MINPP1: variants seen among roughly 807,000 people sequenced by gnomAD.
MINPP1 encodes the protein multiple inositol polyphosphate phosphatase 1.
Under a neutral mutation model 46.1 loss-of-function variants are expected in MINPP1, and 28 were observed. The observed-to-expected ratio is 0.61, with a 90% CI of 0.45 to 0.83. MINPP1 has a LOEUF of 0.83. Among genes scored for constraint, MINPP1 ranks in the 40% least tolerant of loss-of-function variants. MINPP1 has a pLI of 0.00. For missense variants in MINPP1, 603 were observed against 610.0 expected, an observed-to-expected ratio of 0.99 and a Z score of 0.12; for synonymous variants, 268 against 249.1, an observed-to-expected ratio of 1.08 and a Z score of -0.72.
At chr10:87,519,339 T>C (rs1851461014) in intron 3 of MINPP1, among the ~76,000 whole-genome samples, 1 of 152,200 alleles carries the variant, frequency 6.6e-6, no homozygotes. Flanking sequence ...CTTTCAATCC[T>C]GTCAGGTTCC....
At chr10:87,548,828 T>C (rs1042223372) in intron 4 of MINPP1, among the ~76,000 whole-genome samples, 1 of 152,162 alleles carries the variant, frequency 6.6e-6, no homozygotes, top group Admixed American at 6.5e-5. Flanking sequence ...ATTGGGGGTT[T>C]TTGGTGTGTT....
chr10:87,513,945 C>T (rs1383267778), intron 3 of MINPP1, among the ~76,000 whole-genome samples: 1 of 152,124 alleles, frequency 6.6e-6, no homozygotes, highest in Non-Finnish European at 1.5e-5. Flanking sequence ...TTTCTGATCT[C>T]CAGAGGCTGC....
At chr10:87,512,915 T>C (rs1851356252) in intron 2 of MINPP1, among the ~76,000 whole-genome samples, 1 of 152,202 alleles carries the variant, frequency 6.6e-6, no homozygotes, top group Admixed American at 6.5e-5. Flanking sequence ...TCATGGTTTC[T>C]TCCTGATAGT....
intron 4 of MINPP1, among the ~76,000 whole-genome samples, chr10:87,544,711 T>C (rs1242899724): frequency 6.6e-6 from 1 of 152,178 alleles, no homozygotes; most frequent in Non-Finnish European, 1.5e-5. Flanking sequence ...TCTCCTTTCT[T>C]ACGGAGCCTA....
chr10:87,538,778 A>G (rs1319989382), intron 4 of MINPP1, among the ~76,000 whole-genome samples: 2 of 152,238 alleles, frequency 1.3e-5, no homozygotes, highest in Non-Finnish European at 2.9e-5. Flanking sequence ...GTAAAGCTGT[A>G]TTTGATATTC....
Position 87,550,110 on chromosome 10 carries a change from C to T in MINPP1, c.1068-1972C>T, listed in dbSNP as rs185832162. 1.7e-3 allele frequency among the ~76,000 whole-genome samples: 265 copies of T among 152,182 alleles called. 5 individuals carry two copies. In the South Asian group the frequency reaches 0.039, roughly 22 times the overall value. ...TCCTGTTTAGCTGATTATGGTCTTA[C>T]GGGTATATATGGACTTGTGTTGCCA... On this transcript the variant is annotated intron_variant, in intron 4 of 4. Transcript: ENST00000371996.
intron 4 of MINPP1, among the ~76,000 whole-genome samples, chr10:87,540,461 CCTCT>C (rs986914506): frequency 2.1e-5 from 3 of 143,900 alleles, no homozygotes; most frequent in African/African-American, 7.6e-5. Context: ...CAGTCTCTCT[CCTCT>C]CTCTGTCTCT....
At chr10:87,523,356 GT>G (rs34767942) in intron 4 of MINPP1, among the ~76,000 whole-genome samples, 37,344 of 144,562 alleles carry the variant, frequency 0.26, 5,524 homozygotes, top group African/African-American at 0.42. Context: ...TGAAATTTCT[GT>G]TTTTTTTTTT....
intron 4 of MINPP1, among the ~76,000 whole-genome samples, chr10:87,548,492 G>T (rs117485945): frequency 2.0e-3 from 307 of 152,258 alleles, no homozygotes; most frequent in Non-Finnish European, 3.8e-3. Context: ...GCTTTTGTAT[G>T]AATATGAGCA....
chr10:87,521,221 C>G, intron 4 of MINPP1, 52 bp downstream of exon 4: 1 of 1,496,340 alleles, frequency 6.7e-7, no homozygotes. Flanking sequence ...TACTAAACTT[C>G]TGGAAATTTT....
chr10:87,528,471 G>A (rs1429749209), intron 4 of MINPP1, among the ~76,000 whole-genome samples: 2 of 152,212 alleles, frequency 1.3e-5, no homozygotes, highest in Non-Finnish European at 2.9e-5. Context: ...TATGTACCCA[G>A]TAGTCATTCA....
chr10:87,549,677 G>A (rs1851935676), intron 4 of MINPP1, among the ~76,000 whole-genome samples: 1 of 152,196 alleles, frequency 6.6e-6, no homozygotes, highest in African/African-American at 2.4e-5. Flanking sequence ...GGGGGAAAGA[G>A]GAGAGAGTTA....
At chr10:87,539,873 CTTGT>C (rs1389544199) in intron 4 of MINPP1, among the ~76,000 whole-genome samples, 3 of 151,950 alleles carry the variant, frequency 2.0e-5, no homozygotes, top group Non-Finnish European at 2.9e-5. Context: ...GTATTTTTTG[CTTGT>C]TTGTTTGTTT....
At chr10:87,542,435 G>A (rs1159365838) in intron 4 of MINPP1, among the ~76,000 whole-genome samples, 1 of 151,900 alleles carries the variant, frequency 6.6e-6, no homozygotes, top group Admixed American at 6.6e-5. Context: ...AGGTAGCTAG[G>A]ACCTCAGGAG....
chr10:87,531,389 A>G (rs1332642853), intron 4 of MINPP1, among the ~76,000 whole-genome samples: 1 of 152,242 alleles, frequency 6.6e-6, no homozygotes, highest in Non-Finnish European at 1.5e-5. Flanking sequence ...CAGAGGGAAA[A>G]ATGCAACTAA....
chr10:87,549,759 T>C (rs1170168606), intron 4 of MINPP1, among the ~76,000 whole-genome samples: 2 of 152,328 alleles, frequency 1.3e-5, no homozygotes, highest in East Asian at 3.9e-4. Flanking sequence ...TGACCTGTTT[T>C]GTGTGCTAAT....
Position 87,552,710 on chromosome 10 carries a change from C to A in MINPP1, c.*232C>A. 1 of 503,632 alleles carries A rather than the reference C, an allele frequency of 2.0e-6. No homozygotes were observed. The highest frequency in any genetic ancestry group is 3.5e-6 in the Non-Finnish European group (1 of 284,008). The allele number at this position is 503,632 out of a possible 1,614,324, so 31.2% of individuals were successfully genotyped here. A position where few individuals can be genotyped will look rare whatever the true frequency, so the allele number is the denominator to read the frequency against. ...CAAATCTATTTAGAGAAACAGCTGG[C>A]CCTGCAAATGTTTACAGAAATGAAA... On this transcript the variant is annotated 3_prime_UTR_variant, in exon 5 of 5. Coordinates refer to ENST00000371996, the MANE Select transcript of MINPP1 (RefSeq NM_004897.5).
At chr10:87,507,639 T>G (rs1181119367) in intron 1 of MINPP1, among the ~76,000 whole-genome samples, 2 of 152,166 alleles carry the variant, frequency 1.3e-5, no homozygotes, top group Non-Finnish European at 2.9e-5. Flanking sequence ...TGAATATGAC[T>G]GAAAAAAACG....
At chr10:87,530,556 C>G (rs1429769860) in intron 4 of MINPP1, among the ~76,000 whole-genome samples, 1 of 152,180 alleles carries the variant, frequency 6.6e-6, no homozygotes, top group Non-Finnish European at 1.5e-5. Context: ...ATGTTGCTGC[C>G]TGATCCTTCC....
Sources: allele counts gnomAD v4.1 joint callset (sites outside exome capture counted in the v4.1 genomes callset), GRCh38; gene constraint gnomAD v4.1.1; transcripts MANE v1.5; gene names NCBI Gene and HGNC (gene_info 2026-07-23, HGNC 2026-07-21).